Variants in CACNA2D3 observed in about 807,000 individuals in gnomAD.
CACNA2D3 encodes the protein voltage-dependent calcium channel subunit alpha-2/delta-3.
A neutral mutation model predicts 160.6 loss-of-function variants in CACNA2D3; 60 were observed. That is an observed-to-expected ratio of 0.37 (90% CI 0.30 to 0.46). CACNA2D3 has a LOEUF of 0.46. CACNA2D3 is among the 20% of genes least tolerant of loss of function. The probability of loss-of-function intolerance (pLI) is 1.00; values close to 1 mark genes in which losing one functional copy is unlikely to be tolerated. For synonymous variants in CACNA2D3, 558 were observed against 492.9 expected, an observed-to-expected ratio of 1.13 and a Z score of -1.75; for missense variants, 1,205 against 1,365.0, an observed-to-expected ratio of 0.88 and a Z score of 1.85.
chr3:54,872,434 A>G (rs1335246278), intron 18 of CACNA2D3, among the ~76,000 whole-genome samples: 1 of 151,604 alleles, frequency 6.6e-6, no homozygotes, highest in Non-Finnish European at 1.5e-5. Flanking sequence ...TCTCTGCCCT[A>G]CCCTCCCAGA....
intron 9 of CACNA2D3, chr3:54,626,120 G>T (rs532504945): frequency 3.2e-6 from 2 of 616,508 alleles, no homozygotes; most frequent in South Asian, 2.0e-5. Flanking sequence ...TGCCTTTGGG[G>T]AGAAAATAAT....
chr3:54,586,082 T>A (rs1702755500), intron 9 of CACNA2D3, among the ~76,000 whole-genome samples: 1 of 151,834 alleles, frequency 6.6e-6, no homozygotes, highest in African/African-American at 2.4e-5. Flanking sequence ...GGCTAACATG[T>A]TGAAATCCCG....
intron 9 of CACNA2D3, among the ~76,000 whole-genome samples, chr3:54,616,279 T>A (rs1399143189): frequency 6.6e-6 from 1 of 152,166 alleles, no homozygotes; most frequent in Non-Finnish European, 1.5e-5. Flanking sequence ...AAGATCCATG[T>A]CTAAGCTAAT....
intron 3 of CACNA2D3, among the ~76,000 whole-genome samples, chr3:54,323,285 A>T (rs1370366711): frequency 1.3e-5 from 2 of 152,128 alleles, no homozygotes; most frequent in Non-Finnish European, 2.9e-5. Context: ...ATTTGTGAAC[A>T]TTTGAAGAGC....
chr3:54,538,185 A>G (rs1189354266), intron 5 of CACNA2D3, among the ~76,000 whole-genome samples: 1 of 152,006 alleles, frequency 6.6e-6, no homozygotes, highest in African/African-American at 2.4e-5. Flanking sequence ...GCCACTCTCC[A>G]CCCCATGGGC....
In CACNA2D3 at chr3:55,007,813, A is replaced by G; in HGVS notation, c.2790A>G (p.Ala930=). 1 of 1,564,154 alleles carries G rather than the reference A, an allele frequency of 6.4e-7. No homozygotes were observed. Among genetic ancestry groups the G allele is most frequent in the Non-Finnish European group, 8.6e-7 (1 of 1,157,664 alleles). ...AGCCTTATAATGCCTTCCTCTCTGC[A>G]GTAAAATGGATCATGACAGAACTTG... The part of the protein sequence containing the change: ...LLDPYNAFLS[A]VKWIMTELVL... The change falls in exon 33 of 38, where the codon GCA becomes GCG. Residue 930 remains alanine, a synonymous_variant. Transcript: ENST00000474759.
chr3:54,201,973 A>G (rs1237927208), intron 2 of CACNA2D3, among the ~76,000 whole-genome samples: 2 of 152,246 alleles, frequency 1.3e-5, no homozygotes, highest in Non-Finnish European at 2.9e-5. Flanking sequence ...GATTAAAGAA[A>G]TTAAACTATG....
At chr3:54,257,471 T>G (rs1397991979) in intron 2 of CACNA2D3, among the ~76,000 whole-genome samples, 2 of 152,220 alleles carry the variant, frequency 1.3e-5, no homozygotes, top group African/African-American at 4.8e-5. Context: ...TAGACTTATT[T>G]TTTTCCCCCA....
At chr3:54,392,046 T>A (rs552592122) in intron 4 of CACNA2D3, among the ~76,000 whole-genome samples, 2 of 152,360 alleles carry the variant, frequency 1.3e-5, no homozygotes, top group South Asian at 4.1e-4. Flanking sequence ...AAAAGATTGA[T>A]AGTTCCAATG....
chr3:54,538,973 C>A (rs1701929413), intron 5 of CACNA2D3, among the ~76,000 whole-genome samples: 1 of 152,140 alleles, frequency 6.6e-6, no homozygotes, highest in Non-Finnish European at 1.5e-5. Flanking sequence ...AACTGTGTGA[C>A]CTTGGACATG....
intron 5 of CACNA2D3, among the ~76,000 whole-genome samples, chr3:54,523,682 C>T (rs1359286501): frequency 1.6e-4 from 25 of 152,022 alleles, no homozygotes; most frequent in Admixed American, 1.6e-3. Context: ...ATAATTCAAT[C>T]CCTTTACTCG....
intron 2 of CACNA2D3, among the ~76,000 whole-genome samples, chr3:54,193,166 C>A (rs981144921): frequency 1.3e-5 from 2 of 151,674 alleles, no homozygotes; most frequent in Non-Finnish European, 2.9e-5. Context: ...TGAAGTGATA[C>A]TTCCCAGTTA....
intron 2 of CACNA2D3, among the ~76,000 whole-genome samples, chr3:54,293,997 A>G (rs969903074): frequency 2.0e-5 from 3 of 152,236 alleles, no homozygotes; most frequent in African/African-American, 7.2e-5. Flanking sequence ...GGGGAGAAGG[A>G]GAAATTTTTA....
At chr3:54,133,074 G>A (rs1413328851) in intron 2 of CACNA2D3, among the ~76,000 whole-genome samples, 1 of 152,152 alleles carries the variant, frequency 6.6e-6, no homozygotes, top group Non-Finnish European at 1.5e-5. Context: ...GTCCACTTGA[G>A]GGGTTGTTAA....
chr3:54,635,844 A>G (rs1699357378), intron 10 of CACNA2D3, among the ~76,000 whole-genome samples: 1 of 152,006 alleles, frequency 6.6e-6, no homozygotes, highest in Non-Finnish European at 1.5e-5. Flanking sequence ...TGAGGTGGGA[A>G]GGCTAAAATG....
intron 27 of CACNA2D3, among the ~76,000 whole-genome samples, chr3:54,904,897 A>G (rs1313788332): frequency 6.6e-6 from 1 of 152,208 alleles, no homozygotes; most frequent in Admixed American, 6.5e-5. Context: ...GAATATTTTA[A>G]GGAATAGAAA....
chr3:55,022,904 T>C (rs1198307916), intron 35 of CACNA2D3, among the ~76,000 whole-genome samples: 1 of 152,098 alleles, frequency 6.6e-6, no homozygotes. Flanking sequence ...TACTGTGTTT[T>C]TAACCCATGA....
In CACNA2D3 at chr3:54,832,733, T is replaced by C. The variant is rs1703907816; in HGVS notation, c.1399-4426T>C. On this transcript the variant is annotated intron_variant, in intron 14 of 37. Transcript: ENST00000474759. ...CCCAGCTAGTTCTTCCTCTGCCATG[T>C]TAGCTTTTCTTTCTCCCTTAGCAGA... Among the ~76,000 whole-genome samples, 2 of 152,226 alleles carry C rather than the reference T, an allele frequency of 1.3e-5. 1 individual carries two copies. Among genetic ancestry groups the C allele is most frequent in the South Asian group, 4.1e-4 (2 of 4,830 alleles).
At chr3:54,473,552 C>G (rs6809344) in intron 4 of CACNA2D3, among the ~76,000 whole-genome samples, 62,287 of 151,996 alleles carry the variant, frequency 0.41, 13,267 homozygotes, top group Admixed American at 0.5. Flanking sequence ...TTAAACTAAA[C>G]AGCTTCTGCA....
Sources: gnomAD v4.1 joint callset for allele counts (sites outside exome capture counted in the v4.1 genomes callset) on GRCh38, gnomAD v4.1.1 for gene constraint, MANE v1.5 for transcripts, NCBI Gene and HGNC (gene_info 2026-07-23, HGNC 2026-07-21) for gene names.